Variants in KCNIP1 observed in about 807,000 individuals in gnomAD.
KCNIP1 encodes the protein potassium voltage-gated channel interacting protein 1.
In KCNIP1, 18 loss-of-function variants were observed where a neutral mutation model predicts 33.0. The observed-to-expected ratio is 0.55, with a 90% CI of 0.38 to 0.81. The LOEUF (loss-of-function observed/expected upper bound fraction) is 0.81, where lower values mean the gene tolerates loss of function less well. Ranked by LOEUF, KCNIP1 falls within the 30% of genes least tolerant of loss-of-function variation. The probability of loss-of-function intolerance (pLI) is 0.00; values close to 1 mark genes in which losing one functional copy is unlikely to be tolerated. For missense variants in KCNIP1, 238 were observed against 271.6 expected, an observed-to-expected ratio of 0.88 and a Z score of 0.87; for synonymous variants, 93 against 98.3, an observed-to-expected ratio of 0.95 and a Z score of 0.32.
At chr5:170,364,620 C>A (rs1381046564) in intron 1 of KCNIP1, among the ~76,000 whole-genome samples, 2 of 152,180 alleles carry the variant, frequency 1.3e-5, no homozygotes, top group Admixed American at 6.5e-5. Context: ...CCCCCAGGCT[C>A]TCTCCCTCAA....
At chr5:170,584,395 G>A (rs981652024) in intron 1 of KCNIP1, among the ~76,000 whole-genome samples, 2 of 152,196 alleles carry the variant, frequency 1.3e-5, no homozygotes, top group African/African-American at 4.8e-5. Flanking sequence ...GTGTCGGGAG[G>A]CCAGGCTGGA....
intron 1 of KCNIP1, among the ~76,000 whole-genome samples, chr5:170,469,085 AC>A (rs1756668344): frequency 6.6e-6 from 1 of 152,176 alleles, no homozygotes; most frequent in Non-Finnish European, 1.5e-5. Context: ...AACATTCTGT[AC>A]TGCTTTTGTG....
Position 170,454,810 on chromosome 5 carries a change from T to C in KCNIP1, c.88+100846T>C, listed in dbSNP as rs140465450. Among the ~76,000 whole-genome samples the C allele has an allele frequency of 3.3e-5, 5 of 152,332 alleles. No homozygotes were observed. The East Asian group carries it at 9.6e-4, about 29-fold the overall frequency. ...CTAGTTATTTTTACAGATTATCTAGTCTGTGTATTCATTTGATGTTTCTAT... is the reference window on the plus strand; with the variant it reads ...CTAGTTATTTTTACAGATTATCTAGCCTGTGTATTCATTTGATGTTTCTAT... On this transcript the variant is annotated intron_variant, in intron 1 of 7. Transcript: ENST00000377360.
At chr5:170,624,197 T>C (rs1409997894) in intron 1 of KCNIP1, among the ~76,000 whole-genome samples, 1 of 152,254 alleles carries the variant, frequency 6.6e-6, no homozygotes, top group Non-Finnish European at 1.5e-5. Context: ...TGAGCACCTA[T>C]TTTGTTGTTC....
chr5:170,735,621 C>G, intron 7 of KCNIP1, 138 bp from the exon 8 acceptor site: 1 of 691,526 alleles, frequency 1.4e-6, no homozygotes, highest in Non-Finnish European at 2.6e-6. Context: ...AGGTCCCCAC[C>G]CTTACTTCTT....
At chr5:170,410,406 C>T (rs1755154384) in intron 1 of KCNIP1, among the ~76,000 whole-genome samples, 3 of 151,780 alleles carry the variant, frequency 2.0e-5, no homozygotes, top group African/African-American at 4.8e-5. Context: ...GCAGACACAG[C>T]ATGGGTGCAC....
At chr5:170,367,135 G>A (rs1039712908) in intron 1 of KCNIP1, among the ~76,000 whole-genome samples, 1 of 151,828 alleles carries the variant, frequency 6.6e-6, no homozygotes, top group African/African-American at 2.4e-5. Flanking sequence ...TCTGACCACA[G>A]CGAAACCCTG....
rs1360680869 is a variant in KCNIP1 at position 170,718,873 on chromosome 5, C to T, written c.177C>T (p.Gly59=). 1.9e-6 allele frequency: 3 copies of T among 1,610,066 alleles called. No individual in the cohort carries two copies. Among genetic ancestry groups the T allele is most frequent in the African/African-American group, 1.3e-5 (1 of 74,384 alleles). ...TKRELQVLYR[G]FKNECPSGVV... is the part of the protein sequence containing the mutation. Reference sequence around the variant, plus strand: ...GGGAGCTGCAGGTCCTTTATCGAGGCTTCAAAAATGTAAGACCCGTGCACG... The same window carrying T: ...GGGAGCTGCAGGTCCTTTATCGAGGTTTCAAAAATGTAAGACCCGTGCACG... Residue 59 remains glycine (G), a synonymous_variant, in exon 2 of 8, where the codon GGC becomes GGT. Transcript: ENST00000328939.
chr5:170,444,261 T>C (rs1210070730), intron 1 of KCNIP1, among the ~76,000 whole-genome samples: 1 of 152,158 alleles, frequency 6.6e-6, no homozygotes, highest in Non-Finnish European at 1.5e-5. Context: ...GCCTGTTTCC[T>C]TGCCTTTTCC....
intron 1 of KCNIP1, among the ~76,000 whole-genome samples, chr5:170,587,933 G>T (rs1758060592): frequency 6.6e-6 from 1 of 152,244 alleles, no homozygotes; most frequent in South Asian, 2.1e-4. Context: ...CCAGCTCAGT[G>T]CTTGGCACAG....
At chr5:170,628,608 C>T (rs9791084) in intron 1 of KCNIP1, among the ~76,000 whole-genome samples, 39,402 of 152,012 alleles carry the variant, frequency 0.26, 5,513 homozygotes, top group East Asian at 0.51. Flanking sequence ...AGAAGGCGGC[C>T]TTGGTACCTG....
intron 1 of KCNIP1, among the ~76,000 whole-genome samples, chr5:170,404,869 T>C (rs976403739): frequency 1.3e-5 from 2 of 152,258 alleles, no homozygotes; most frequent in African/African-American, 4.8e-5. Flanking sequence ...TTATGATTTT[T>C]TCCTTACTAA....
chr5:170,670,910 A>AAG (rs1423781975), intron 1 of KCNIP1, among the ~76,000 whole-genome samples: 4 of 131,680 alleles, frequency 3.0e-5, no homozygotes, highest in African/African-American at 1.4e-4. Flanking sequence ...AACAAAAAAA[A>AAG]AAATAAAAAA....
chr5:170,474,917 GC>G (rs1190300324), intron 1 of KCNIP1, among the ~76,000 whole-genome samples: 1 of 152,238 alleles, frequency 6.6e-6, no homozygotes, highest in Non-Finnish European at 1.5e-5. Context: ...CCACTGGGTT[GC>G]CGCCGCTGGT....
chr5:170,508,919 C>G (rs935438077), intron 1 of KCNIP1, among the ~76,000 whole-genome samples: 1 of 152,146 alleles, frequency 6.6e-6, no homozygotes, highest in Admixed American at 6.5e-5. Flanking sequence ...CCCCCTTTCC[C>G]CACCACCAGA....
Position 170,698,516 on chromosome 5 carries a change from G to A in KCNIP1, c.62-20242G>A, listed in dbSNP as rs187391534. ...AAGGGTGGCAGAATGTACCTCACTG[G>A]TTTTAGGAAGGTCACATGAGATAGT... On this transcript the variant is annotated intron_variant, in intron 1 of 7. Transcript: ENST00000328939. 1.7e-4 allele frequency among the ~76,000 whole-genome samples: 26 copies of A among 152,236 alleles called. No individual in the cohort carries two copies. In the East Asian group the frequency reaches 3.9e-3, roughly 23 times the overall value.
At chr5:170,613,983 G>A (rs1016855624) in intron 1 of KCNIP1, among the ~76,000 whole-genome samples, 2 of 152,142 alleles carry the variant, frequency 1.3e-5, no homozygotes, top group African/African-American at 4.8e-5. Context: ...CCCCAGCTCC[G>A]GTGTCTACTG....
intron 1 of KCNIP1, among the ~76,000 whole-genome samples, chr5:170,572,194 G>A (rs1387490719): frequency 6.6e-6 from 1 of 152,164 alleles, no homozygotes; most frequent in African/African-American, 2.4e-5. Flanking sequence ...GCTGGAAATC[G>A]ACTGTATGCG....
intron 1 of KCNIP1, among the ~76,000 whole-genome samples, chr5:170,516,883 G>C (rs1007714842): frequency 6.6e-6 from 1 of 152,200 alleles, no homozygotes; most frequent in African/African-American, 2.4e-5. Flanking sequence ...CTATAAGGCA[G>C]TGCATACGTG....
Sources: allele counts gnomAD v4.1 joint callset (sites outside exome capture counted in the v4.1 genomes callset), GRCh38; gene constraint gnomAD v4.1.1; transcripts MANE v1.5; gene names NCBI Gene and HGNC (gene_info 2026-07-23, HGNC 2026-07-21).